Variants in PDE3B observed in about 807,000 individuals in gnomAD.
The protein encoded by PDE3B is phosphodiesterase 3B, also known as cGMP-inhibited 3',5'-cyclic phosphodiesterase 3B.
A neutral mutation model predicts 116.8 loss-of-function variants in PDE3B; 66 were observed. That is an observed-to-expected ratio of 0.56 (90% CI 0.46 to 0.69). PDE3B has a LOEUF of 0.69. PDE3B is among the 30% of genes least tolerant of loss of function. The pLI is 0.00. For synonymous variants in PDE3B, 595 were observed against 533.6 expected (o/e 1.12, Z -1.59); for missense variants, 1,384 against 1,368.1 (o/e 1.01, Z -0.18).
At chr11:14,860,879 T>C (rs1565169164) in intron 13 of PDE3B, among the ~76,000 whole-genome samples, 1 of 151,044 alleles carries the variant, frequency 6.6e-6, no homozygotes, top group East Asian at 1.9e-4. Flanking sequence ...TTTTTTGATA[T>C]TGTGTATGTA....
At chr11:14,787,573 G>A (rs1297352205) in intron 3 of PDE3B, among the ~76,000 whole-genome samples, 1 of 151,914 alleles carries the variant, frequency 6.6e-6, no homozygotes. Context: ...ATGTTGAAAA[G>A]TTAAGCAAAC....
chr11:14,857,726 T>A lies in PDE3B; in HGVS notation c.2521-1317T>A, dbSNP rs186698308. On this transcript the variant is annotated intron_variant, in intron 12 of 15. Coordinates refer to ENST00000282096, the MANE Select transcript of PDE3B (RefSeq NM_000922.4). ...AGAATTCCGAACTTGCTCATTTTTT[T>A]AAAAAACTGATCTTGCTATCTGTAA... Among the ~76,000 whole-genome samples, 1,150 of 152,264 alleles carry A rather than the reference T, an allele frequency of 7.6e-3. 14 individuals are homozygous for A. The highest frequency in any genetic ancestry group is 0.025 in the African/African-American group (1,042 of 41,552).
At chr11:14,762,644 T>A (rs933030250) in intron 1 of PDE3B, among the ~76,000 whole-genome samples, 1 of 152,208 alleles carries the variant, frequency 6.6e-6, no homozygotes, top group Non-Finnish European at 1.5e-5. Context: ...CTGTTGAGAA[T>A]AGATTCTACC....
At position 14,644,090 on chromosome 11, in the gene PDE3B, G is replaced by A; in HGVS notation, c.15G>A (p.Glu5=). ...CGGCCCCAGCCATGAGGAGGGACGA[G>A]CGAGACGCCAAAGCCATGCGGTCCC... The part of the protein sequence containing the change: MRRD[E]RDAKAMRSLQ... The change falls in exon 1 of 16, where the codon GAG becomes GAA. Residue 5 remains glutamate, a synonymous_variant. Transcript: ENST00000282096. 5.1e-6 allele frequency: 8 copies of A among 1,554,652 alleles called. No homozygotes were observed. The highest frequency in any genetic ancestry group is 6.9e-6 in the Non-Finnish European group (8 of 1,160,854).
intron 15 of PDE3B, among the ~76,000 whole-genome samples, chr11:14,869,171 TC>T (rs1442150493): frequency 6.6e-6 from 1 of 152,132 alleles, no homozygotes; most frequent in Non-Finnish European, 1.5e-5. Flanking sequence ...CAGCCAGTTT[TC>T]CCTAAACCTC....
chr11:14,795,138 C>A (rs1047237591), intron 4 of PDE3B, among the ~76,000 whole-genome samples: 4 of 152,142 alleles, frequency 2.6e-5, no homozygotes, highest in African/African-American at 9.7e-5. Flanking sequence ...TAGTCCCTCT[C>A]CTCTCTCTGG....
chr11:14,849,541 TG>T (rs1427155351), intron 12 of PDE3B, among the ~76,000 whole-genome samples: 4 of 151,512 alleles, frequency 2.6e-5, no homozygotes, highest in South Asian at 4.2e-4. Context: ...ACCATCAGAG[TG>T]AACAGGCAAC....
the PDE3B span, among the ~76,000 whole-genome samples, chr11:14,882,432 C>T: frequency 6.6e-6 from 1 of 151,994 alleles, no homozygotes. Flanking sequence ...GCAATGGTGC[C>T]AAGATGAAAC....
intron 1 of PDE3B, among the ~76,000 whole-genome samples, chr11:14,662,146 T>G (rs1853947103): frequency 6.6e-6 from 1 of 152,108 alleles, no homozygotes; most frequent in Admixed American, 6.5e-5. Flanking sequence ...CATTCACGGT[T>G]CACAAAAATC....
intron 1 of PDE3B, among the ~76,000 whole-genome samples, chr11:14,750,043 C>G (rs973933669): frequency 2.0e-5 from 3 of 150,924 alleles, no homozygotes; most frequent in African/African-American, 7.3e-5. Flanking sequence ...ATGTTTCAGT[C>G]CAGTTCTAAA....
intron 4 of PDE3B, among the ~76,000 whole-genome samples, chr11:14,792,240 T>C (rs560688298): frequency 1.9e-4 from 29 of 151,900 alleles, no homozygotes; most frequent in Non-Finnish European, 3.4e-4. Context: ...AATAGAAAAA[T>C]GATATGGAAA....
chr11:14,659,709 C>T (rs1019924827), intron 1 of PDE3B, among the ~76,000 whole-genome samples: 29 of 152,144 alleles, frequency 1.9e-4, no homozygotes, highest in African/African-American at 7.0e-4. Flanking sequence ...GTCATGTGTT[C>T]TCATCAAGTA....
intron 1 of PDE3B, among the ~76,000 whole-genome samples, chr11:14,759,583 TTTGTCG>T: frequency 6.7e-6 from 1 of 149,910 alleles, no homozygotes; most frequent in Non-Finnish European, 1.5e-5. Context: ...AGAGTCTTGC[TTTGTCG>T]CCTGGTTGGA....
intron 4 of PDE3B, among the ~76,000 whole-genome samples, chr11:14,801,664 G>T (rs1221749972): frequency 6.6e-6 from 1 of 152,224 alleles, no homozygotes; most frequent in Admixed American, 6.5e-5. Context: ...TGAAAACTGT[G>T]CTGGGAGGTC....
chr11:14,644,836 G>T lies in PDE3B; in HGVS notation c.761G>T (p.Gly254Val). The change falls in exon 1 of 16, where the codon GGC (glycine) becomes GTC (valine). Residue 254 changes from glycine (G) to valine (V), a missense_variant. Physicochemically the swap from Gly to Val is moderately radical, Grantham distance 109. Coordinates refer to ENST00000282096, the MANE Select transcript of PDE3B (RefSeq NM_000922.4). The stretch of plus-strand genomic sequence containing the variant: ...CCGCTGCTCTCCGGCCTGGTGGGGG[G>T]CGCTGGCTGCCTGCTGGCCCTGGGG... ...LRPLLSGLVG[G>V]AGCLLALGLD... The T allele has an allele frequency of 1.2e-6, 2 of 1,612,232 alleles. No homozygotes were observed. Among genetic ancestry groups the T allele is most frequent in the Non-Finnish European group, 1.7e-6 (2 of 1,179,012 alleles).
At position 14,818,361 on chromosome 11, in the gene PDE3B, A is replaced by G. The variant is rs1859399371; in HGVS notation, c.1701A>G (p.Gln567=). 10 of 1,611,722 alleles carry G rather than the reference A, an allele frequency of 6.2e-6. No individual in the cohort carries two copies. The highest frequency in any genetic ancestry group is 1.7e-5 in the Admixed American group (1 of 59,980). The part of the protein sequence containing the change: ...NAPNTPDFYQ[Q]LRNSDSNLCN... ...CTAATACTCCAGATTTTTATCAGCA[A>G]CTTAGAAATTCTGATAGCAATCTGT... is the stretch of plus-strand genomic sequence containing the variant. The change falls in exon 6 of 16, where the codon CAA becomes CAG. Residue 567 remains glutamine (Q), a synonymous_variant. Transcript: ENST00000282096.
At chr11:14,839,157 C>G (rs1860147122) in intron 11 of PDE3B, among the ~76,000 whole-genome samples, 1 of 152,178 alleles carries the variant, frequency 6.6e-6, no homozygotes, top group African/African-American at 2.4e-5. Flanking sequence ...GGGTTCATCT[C>G]ATAATGGTAG....
At chr11:14,849,203 C>G (rs1471754521) in intron 12 of PDE3B, among the ~76,000 whole-genome samples, 2 of 152,122 alleles carry the variant, frequency 1.3e-5, no homozygotes, top group African/African-American at 4.8e-5. Context: ...ACTATCTGAT[C>G]TTTGACAAAC....
intron 1 of PDE3B, among the ~76,000 whole-genome samples, chr11:14,727,248 GTAA>G (rs1856334366): frequency 6.6e-6 from 1 of 152,076 alleles, no homozygotes; most frequent in African/African-American, 2.4e-5. Flanking sequence ...GATAGAAACT[GTAA>G]TAATATAATA....
Sources: gnomAD v4.1 joint callset for allele counts (sites outside exome capture counted in the v4.1 genomes callset) on GRCh38, gnomAD v4.1.1 for gene constraint, MANE v1.5 for transcripts, NCBI Gene and HGNC (gene_info 2026-07-23, HGNC 2026-07-21) for gene names.